Variants in TRPM3 observed in about 807,000 individuals in gnomAD.
TRPM3 encodes long transient receptor potential channel 3.
TRPM3 carries 77 observed loss-of-function variants against 181.2 expected under a neutral mutation model. The ratio of observed to expected loss-of-function variants is 0.42; its 90% CI spans 0.35 to 0.51. The LOEUF is 0.51. Ranked by LOEUF, TRPM3 falls within the 20% of genes least tolerant of loss-of-function variation. The pLI, the probability that TRPM3 is intolerant of heterozygous loss-of-function variation, is 0.01. For missense variants in TRPM3, 1,759 were observed against 2,196.7 expected (o/e 0.80, Z 3.98); for synonymous variants, 745 against 796.4 (o/e 0.94, Z 1.09).
At chr9:70,553,065 A>G (rs1378403188) in intron 23 of TRPM3, 22 bp from the exon 24 acceptor site, 3 of 1,613,952 alleles carry the variant, frequency 1.9e-6, no homozygotes, top group Middle Eastern at 1.6e-4. Flanking sequence ...ACCAAAGAGA[A>G]TCAAGTGAGA....
chr9:71,142,124 A>G (rs2075139499), intron 1 of TRPM3, among the ~76,000 whole-genome samples: 1 of 152,224 alleles, frequency 6.6e-6, no homozygotes, highest in African/African-American at 2.4e-5. Context: ...ACAAATGCAT[A>G]GTCAAGAGGG....
At chr9:70,822,462 T>A (rs905924348) in intron 6 of TRPM3, among the ~76,000 whole-genome samples, 1 of 152,058 alleles carries the variant, frequency 6.6e-6, no homozygotes, top group East Asian at 1.9e-4. Context: ...AAAGATTTTA[T>A]AATGCCATTT....
intron 1 of TRPM3, among the ~76,000 whole-genome samples, chr9:71,293,525 T>C (rs995498893): frequency 6.6e-6 from 1 of 151,624 alleles, no homozygotes; most frequent in Non-Finnish European, 1.5e-5. Context: ...GATGTGCAAA[T>C]CCTTTACGTA....
intron 5 of TRPM3, among the ~76,000 whole-genome samples, chr9:70,837,799 G>A (rs928201367): frequency 6.6e-6 from 1 of 152,316 alleles, no homozygotes; most frequent in East Asian, 1.9e-4. Context: ...CTGTCTCTGA[G>A]TTCGGTTTAC....
chr9:71,243,966 G>A (rs963532951), intron 1 of TRPM3, among the ~76,000 whole-genome samples: 1 of 152,118 alleles, frequency 6.6e-6, no homozygotes, highest in African/African-American at 2.4e-5. Context: ...CACACTGCAG[G>A]GGACATCAGG....
At chr9:70,551,167 T>A (rs2046369493) in intron 24 of TRPM3, among the ~76,000 whole-genome samples, 1 of 152,230 alleles carries the variant, frequency 6.6e-6, no homozygotes, top group South Asian at 2.1e-4. Flanking sequence ...ACAATAAAAA[T>A]TAAATTGTAC....
chr9:71,009,519 A>C (rs2097714081), intron 1 of TRPM3, among the ~76,000 whole-genome samples: 1 of 152,174 alleles, frequency 6.6e-6, no homozygotes, highest in South Asian at 2.1e-4. Flanking sequence ...CTATGAATAA[A>C]CAACCAAGGA....
intron 8 of TRPM3, among the ~76,000 whole-genome samples, chr9:70,757,934 C>T (rs1309229754): frequency 6.6e-6 from 1 of 152,182 alleles, no homozygotes; most frequent in Non-Finnish European, 1.5e-5. Flanking sequence ...CAGGGATGCC[C>T]TCTCTCACCA....
chr9:71,290,276 A>G (rs1424728434), intron 1 of TRPM3, among the ~76,000 whole-genome samples: 2 of 152,104 alleles, frequency 1.3e-5, no homozygotes, highest in African/African-American at 2.4e-5. Context: ...AATAAATAAG[A>G]AGAAACTCAC....
chr9:71,279,058 A>AAC (rs2084476029), intron 1 of TRPM3, among the ~76,000 whole-genome samples: 2 of 149,146 alleles, frequency 1.3e-5, no homozygotes, highest in African/African-American at 4.9e-5. Flanking sequence ...AATAAAAATA[A>AAC]AAATAAAAAA....
At chr9:71,103,866 A>G (rs2068891719) in intron 1 of TRPM3, among the ~76,000 whole-genome samples, 1 of 152,176 alleles carries the variant, frequency 6.6e-6, no homozygotes, top group Non-Finnish European at 1.5e-5. Flanking sequence ...ACTTTTCATC[A>G]AAACCAAGCT....
At chr9:71,031,242 A>C (rs1182750003) in intron 1 of TRPM3, among the ~76,000 whole-genome samples, 2 of 152,252 alleles carry the variant, frequency 1.3e-5, no homozygotes, top group Admixed American at 6.5e-5. Context: ...ACAAATTATT[A>C]GGTGCTAGAT....
At chr9:70,617,936 G>A (rs547475455) in intron 17 of TRPM3, among the ~76,000 whole-genome samples, 2 of 152,262 alleles carry the variant, frequency 1.3e-5, no homozygotes, top group East Asian at 3.9e-4. Flanking sequence ...CTGCACTCCA[G>A]CCTGGGTGAC....
chr9:71,167,129 T>C (rs2076578472), intron 1 of TRPM3, among the ~76,000 whole-genome samples: 2 of 152,144 alleles, frequency 1.3e-5, no homozygotes, highest in African/African-American at 4.8e-5. Flanking sequence ...AAAATGTGAA[T>C]CAAGTAAAAT....
intron 1 of TRPM3, among the ~76,000 whole-genome samples, chr9:70,978,988 A>G (rs2097335324): frequency 6.6e-6 from 1 of 152,220 alleles, no homozygotes; most frequent in Admixed American, 6.5e-5. Context: ...ATTGAGTGTT[A>G]CTGCCCTGGA....
intron 1 of TRPM3, among the ~76,000 whole-genome samples, chr9:71,356,715 T>C (rs1376896543): frequency 5.3e-5 from 8 of 152,174 alleles, no homozygotes; most frequent in Admixed American, 2.6e-4. Flanking sequence ...AACTTTTTGA[T>C]GTAGTAGCAC....
chr9:70,556,857 T>G (rs1390951139), intron 22 of TRPM3, among the ~76,000 whole-genome samples: 1 of 152,246 alleles, frequency 6.6e-6, no homozygotes, highest in Non-Finnish European at 1.5e-5. Flanking sequence ...TAATGTACTG[T>G]CAAGATCATT....
chr9:71,218,374 G>A (rs1356955465), intron 1 of TRPM3, among the ~76,000 whole-genome samples: 1 of 152,048 alleles, frequency 6.6e-6, no homozygotes, highest in Non-Finnish European at 1.5e-5. Flanking sequence ...ACTGTATTAG[G>A]TAGATATATT....
chr9:71,017,162 C>G (rs1449123957), intron 1 of TRPM3, among the ~76,000 whole-genome samples: 1 of 152,000 alleles, frequency 6.6e-6, no homozygotes, highest in Non-Finnish European at 1.5e-5. Flanking sequence ...AAAATGTTCC[C>G]AAGAAGACAT....
Sources: gnomAD v4.1 joint callset for allele counts (sites outside exome capture counted in the v4.1 genomes callset) on GRCh38, gnomAD v4.1.1 for gene constraint, MANE v1.5 for transcripts, NCBI Gene and HGNC (gene_info 2026-07-23, HGNC 2026-07-21) for gene names.